MAF: variants seen among roughly 807,000 people sequenced by gnomAD.
MAF encodes the protein MAF bZIP transcription factor.
A neutral mutation model predicts 22.0 loss-of-function variants in MAF; 10 were observed. The observed-to-expected ratio is 0.45, with a 90% CI of 0.28 to 0.77. The LOEUF is 0.77. MAF is among the 30% of genes least tolerant of loss of function. The pLI, the probability that MAF is intolerant of heterozygous loss-of-function variation, is 0.12. For missense variants in MAF, 544 were observed against 548.4 expected, an observed-to-expected ratio of 0.99 and a Z score of 0.08; for synonymous variants, 337 against 255.8, an observed-to-expected ratio of 1.32 and a Z score of -3.03.
At chr16:79,472,236 GC>G in the MAF span, among the ~76,000 whole-genome samples, 1 of 152,158 alleles carries the variant, frequency 6.6e-6, no homozygotes, top group African/African-American at 2.4e-5. Context: ...TTGACAAAAT[GC>G]CATTAGAGAC....
At chr16:79,205,077 A>G in the MAF span, 2 of 152,198 alleles carry the variant, frequency 1.3e-5, no homozygotes, top group Admixed American at 1.3e-4. Flanking sequence ...CGTAAACAGG[A>G]AAGGCCACAG....
At chr16:79,594,625 G>C in intron 1 of MAF, 72 bp from the exon 2 acceptor site, 1 of 1,520,864 alleles carries the variant, frequency 6.6e-7, no homozygotes, top group Non-Finnish European at 8.8e-7. Context: ...GGGAAAGCTA[G>C]ATTTCCTCAT....
At chr16:79,224,149 A>T in the MAF span, among the ~76,000 whole-genome samples, 1 of 152,312 alleles carries the variant, frequency 6.6e-6, no homozygotes, top group African/African-American at 2.4e-5. Flanking sequence ...GCACATCAAA[A>T]AGCTTATGCA....
chr16:79,220,255 C>CAAA, the MAF span, among the ~76,000 whole-genome samples: 9,873 of 93,864 alleles, frequency 0.11, 1,274 homozygotes, highest in African/African-American at 0.29. Flanking sequence ...GACTCCATCT[C>CAAA]AAAAAAAAAA....
the MAF span, among the ~76,000 whole-genome samples, chr16:79,542,972 T>A: frequency 6.6e-6 from 1 of 152,216 alleles, no homozygotes; most frequent in Non-Finnish European, 1.5e-5. Context: ...TGCATATGTG[T>A]GTGCATGCAC....
chr16:79,354,064 C>T, the MAF span, among the ~76,000 whole-genome samples: 699 of 152,160 alleles, frequency 4.6e-3, 6 homozygotes, highest in African/African-American at 0.016. Context: ...GGTGCCATCA[C>T]GGCTCACTGC....
At chr16:79,429,682 A>T in the MAF span, among the ~76,000 whole-genome samples, 3 of 152,038 alleles carry the variant, frequency 2.0e-5, no homozygotes, top group Admixed American at 6.6e-5. Flanking sequence ...ACTCCCATGC[A>T]CCAGTGAACA....
At chr16:79,393,151 A>G in the MAF span, among the ~76,000 whole-genome samples, 2 of 152,128 alleles carry the variant, frequency 1.3e-5, no homozygotes, top group Non-Finnish European at 2.9e-5. Context: ...TTTCCTTTAC[A>G]TTATTTTGAT....
the MAF span, among the ~76,000 whole-genome samples, chr16:79,214,703 C>CA: frequency 2.3e-5 from 1 of 43,052 alleles, no homozygotes; most frequent in Non-Finnish European, 4.1e-5. Flanking sequence ...CTGTGCCTGG[C>CA]TTTTTTTTTT....
At chr16:79,584,899 G>A (rs1219359907), downstream of MAF, among the ~76,000 whole-genome samples, 1 of 152,108 alleles carries the variant, frequency 6.6e-6, no homozygotes, top group African/African-American at 2.4e-5. Flanking sequence ...TAAAAAGTGG[G>A]AAAAAATGAG....
At chr16:79,489,130 T>C in the MAF span, among the ~76,000 whole-genome samples, 2 of 152,218 alleles carry the variant, frequency 1.3e-5, no homozygotes, top group East Asian at 1.9e-4. Context: ...TACCCATCCA[T>C]CCACTCATCC....
chr16:79,553,407 G>C, the MAF span, among the ~76,000 whole-genome samples: 1 of 152,250 alleles, frequency 6.6e-6, no homozygotes, highest in Non-Finnish European at 1.5e-5. Context: ...CAGCCCTGGA[G>C]GCTCCTGGAA....
chr16:79,232,882 C>T, the MAF span, among the ~76,000 whole-genome samples: 1 of 148,272 alleles, frequency 6.7e-6, no homozygotes, highest in Non-Finnish European at 1.5e-5. Context: ...ACTCTGTCGC[C>T]CAGGCTGGAG....
At chr16:79,355,233 G>A in the MAF span, among the ~76,000 whole-genome samples, 59 of 152,298 alleles carry the variant, frequency 3.9e-4, no homozygotes, top group Admixed American at 7.2e-4. Flanking sequence ...GCTGGAAAAC[G>A]TATCTCACAT....
At chr16:79,571,444 C>T in the MAF span, among the ~76,000 whole-genome samples, 3 of 151,062 alleles carry the variant, frequency 2.0e-5, no homozygotes, top group Non-Finnish European at 2.9e-5. Flanking sequence ...GCCCAGGGAG[C>T]TTCTAGTGGT....
At chr16:79,278,053 C>T in the MAF span, among the ~76,000 whole-genome samples, 78 of 152,174 alleles carry the variant, frequency 5.1e-4, no homozygotes, top group Non-Finnish European at 8.4e-4. Context: ...GTAATGCCTG[C>T]GATTGCAAAC....
the MAF span, among the ~76,000 whole-genome samples, chr16:79,315,816 T>A: frequency 5.6e-4 from 86 of 152,326 alleles, no homozygotes; most frequent in Non-Finnish European, 1.0e-4. Context: ...CTCCACTACA[T>A]TCCTTTTCAT....
chr16:79,595,413 CT>C (rs1200839984), intron 1 of MAF: 4 of 1,053,838 alleles, frequency 3.8e-6, no homozygotes, highest in Admixed American at 5.5e-5. Context: ...GCAATATTAT[CT>C]TTTTTTCTTT....
chr16:79,362,347 A>G, the MAF span, among the ~76,000 whole-genome samples: 3 of 152,180 alleles, frequency 2.0e-5, no homozygotes, highest in African/African-American at 4.8e-5. Context: ...TCTCGCTGAC[A>G]CACACAGATG....
Sources: gnomAD v4.1 joint callset for allele counts (sites outside exome capture counted in the v4.1 genomes callset) on GRCh38, gnomAD v4.1.1 for gene constraint, MANE v1.5 for transcripts, NCBI Gene and HGNC (gene_info 2026-07-23, HGNC 2026-07-21) for gene names.